LAMA4: variants seen among roughly 807,000 people sequenced by gnomAD.
LAMA4 encodes laminin subunit alpha 4.
Under a neutral mutation model 207.1 loss-of-function variants are expected in LAMA4, and 127 were observed. The ratio of observed to expected loss-of-function variants is 0.61; its 90% confidence interval spans 0.53 to 0.71. The LOEUF is 0.71. LAMA4 is among the 30% of genes least tolerant of loss of function. The probability of loss-of-function intolerance (pLI) is 0.00; values close to 1 mark genes in which losing one functional copy is unlikely to be tolerated. For synonymous variants in LAMA4, 761 were observed against 816.0 expected (o/e 0.93, Z 1.15); for missense variants, 2,093 against 2,246.5 (o/e 0.93, Z 1.38).
rs113832762 is a variant in LAMA4, at chr6:112,123,361, C to T, written c.4288-1160G>A. ...GGTTGAGGATTACTGAATGAGCATA[C>T]ACCTTTAGTCCCTGCCTCCCTATTC... On this transcript the variant is annotated intron_variant, in intron 31 of 38. Transcript: ENST00000230538. 9.1e-3 allele frequency among the ~76,000 whole-genome samples: 1,384 copies of T among 152,282 alleles called. 22 individuals are homozygous for T. Among genetic ancestry groups the T allele is most frequent in the African/African-American group, 0.032 (1,330 of 41,566 alleles).
At chr6:112,134,937 C>CCT (rs1779250872) in intron 25 of LAMA4, among the ~76,000 whole-genome samples, 1 of 150,628 alleles carries the variant, frequency 6.6e-6, no homozygotes, top group African/African-American at 2.4e-5. Flanking sequence ...CCACCATTCT[C>CCT]TTTTTTTTTA....
intron 31 of LAMA4, 78 bp from the exon 32 acceptor site, chr6:112,122,279 A>G (rs1554326401): frequency 4.9e-6 from 5 of 1,029,844 alleles, no homozygotes; most frequent in Admixed American, 3.7e-5. Context: ...CTCATCATTA[A>G]TAAGGATAAA....
rs1554346962 is a variant in LAMA4, at chr6:112,187,267, T to C, written c.966+183A>G. The C allele has an allele frequency of 1.1e-5, 8 of 758,390 alleles. No individual in the cohort carries two copies. The South Asian group carries it at 1.2e-4, about 11-fold the overall frequency. The allele number at this position is 758,390 out of a possible 1,614,324, so 47.0% of individuals were successfully genotyped here. On this transcript the variant is annotated intron_variant, in intron 8 of 38. Coordinates refer to ENST00000230538, the MANE Select transcript of LAMA4 (RefSeq NM_001105206.3). ...TTCTTGTTTTGGCCCAAGCTCATAG[T>C]TACAATCAACTTTTCATAATTTCCT...
intron 2 of LAMA4, among the ~76,000 whole-genome samples, chr6:112,248,342 A>T (rs1430006319): frequency 6.6e-6 from 1 of 152,048 alleles, no homozygotes; most frequent in Non-Finnish European, 1.5e-5. Context: ...TACTAAAAAT[A>T]CAAAAAATTA....
intron 24 of LAMA4, among the ~76,000 whole-genome samples, chr6:112,137,794 A>G (rs1421006553): frequency 6.6e-6 from 1 of 152,208 alleles, no homozygotes; most frequent in Admixed American, 6.5e-5. Flanking sequence ...AGAGGGTTAC[A>G]CATTTTTCTT....
chr6:112,220,919 A>G (rs1051490470), intron 2 of LAMA4, among the ~76,000 whole-genome samples: 1 of 152,170 alleles, frequency 6.6e-6, no homozygotes, highest in Non-Finnish European at 1.5e-5. Flanking sequence ...TTTCCCAAAC[A>G]CTATCACAGA....
intron 26 of LAMA4, among the ~76,000 whole-genome samples, chr6:112,133,886 G>C (rs1779186151): frequency 6.6e-6 from 1 of 152,154 alleles, no homozygotes; most frequent in South Asian, 2.1e-4. Flanking sequence ...ACTAAGAAAT[G>C]AAACTAAGAA....
rs782018286 is a variant in LAMA4 at position 112,129,071 on chromosome 6, C to T, written c.4138G>A (p.Asp1380Asn). Residue 1380 changes from aspartate to asparagine, a missense_variant, in exon 31 of 39, where the codon GAT (aspartate) becomes AAT (asparagine). By Grantham distance (23) the Asp-to-Asn change is conservative. Around this residue, in one of 3 missense-constraint regions of LAMA4, gnomAD observed 1,704 missense variants for 1,788.4 expected, o/e 0.95. Transcript: ENST00000230538. Reference sequence around the variant, plus strand: ...AAATCTTCAACCTCCACATCTCTATCCACCCTGTGTTTGTAACAGAGGAAA... The same window carrying T: ...AAATCTTCAACCTCCACATCTCTATTCACCCTGTGTTTGTAACAGAGGAAA... ...CISNAYFTRVDRDVEVEDFQR... is the reference protein window; with the variant it reads ...CISNAYFTRVNRDVEVEDFQR... The T allele has an allele frequency of 1.2e-6, 2 of 1,610,714 alleles. No individual in the cohort carries two copies. The highest frequency in any genetic ancestry group is 1.7e-5 in the Admixed American group (1 of 59,972).
At chr6:112,201,323 T>C (rs1157330569) in intron 5 of LAMA4, among the ~76,000 whole-genome samples, 2 of 152,250 alleles carry the variant, frequency 1.3e-5, no homozygotes, top group Non-Finnish European at 2.9e-5. Context: ...CAAAACCATC[T>C]AGAGAATCTT....
chr6:112,119,420 T>C, intron 33 of LAMA4, 109 bp from the exon 34 acceptor site: 1 of 1,200,254 alleles, frequency 8.3e-7, no homozygotes, highest in African/African-American at 1.5e-5. Flanking sequence ...TGGGAAATCT[T>C]CAGAAAGTTT....
At chr6:112,165,104 G>C in intron 13 of LAMA4, 56 bp downstream of exon 13, 1 of 896,854 alleles carries the variant, frequency 1.1e-6, no homozygotes, top group East Asian at 2.4e-5. Flanking sequence ...GTGACACTGA[G>C]CTGCTGTTGT....
intron 26 of LAMA4, among the ~76,000 whole-genome samples, chr6:112,133,740 T>C (rs1779179172): frequency 6.6e-6 from 1 of 152,230 alleles, no homozygotes. Context: ...TTTATCTTTA[T>C]AACAATTCAG....
intron 6 of LAMA4, 31 bp from the exon 7 acceptor site, chr6:112,189,236 T>G: frequency 1.3e-6 from 2 of 1,493,988 alleles, no homozygotes; most frequent in Non-Finnish European, 1.9e-6. Context: ...AGACGAGAAA[T>G]GCACTTCTTA....
Position 112,133,376 on chromosome 6 carries a change from A to G in LAMA4, c.3669T>C (p.Val1223=), listed in dbSNP as rs1554330532. The G allele has an allele frequency of 6.2e-7, 1 of 1,613,772 alleles. No homozygotes were observed. ...GTGAGTCTTCTGGGCATCCATAACC[A>G]ACTCCCAGGGTTTCTGTCTGCTCCA... ...NLLEQTETLG[V]GYGCPEDSLI... Residue 1223 remains valine, a synonymous_variant, in exon 27 of 39, where the codon GTT becomes GTC. Coordinates refer to ENST00000230538, the MANE Select transcript of LAMA4 (RefSeq NM_001105206.3).
intron 33 of LAMA4, 98 bp from the exon 34 acceptor site, chr6:112,119,409 G>T: frequency 7.7e-7 from 1 of 1,295,542 alleles, no homozygotes; most frequent in Non-Finnish European, 1.1e-6. Context: ...TTGCAATGCT[G>T]TGGGAAATCT....
chr6:112,178,456 G>T, intron 9 of LAMA4: 1 of 501,896 alleles, frequency 2.0e-6, no homozygotes, highest in East Asian at 3.8e-5. Flanking sequence ...AGTTATTGGG[G>T]TATAGGTGGT....
At chr6:112,164,283 G>T (rs1330683530) in intron 13 of LAMA4, 1 of 152,528 alleles carries the variant, frequency 6.6e-6, no homozygotes, top group Non-Finnish European at 1.5e-5. Context: ...AAAAAAGGCA[G>T]GGAGGTCTCC....
chr6:112,223,256 A>G (rs1554361174), intron 2 of LAMA4, among the ~76,000 whole-genome samples: 2 of 152,182 alleles, frequency 1.3e-5, no homozygotes. Context: ...CACATTTCCA[A>G]GAAAGGAAGA....
At chr6:112,236,536 T>C (rs1193065713) in intron 2 of LAMA4, 1 of 152,156 alleles carries the variant, frequency 6.6e-6, no homozygotes, top group Non-Finnish European at 1.5e-5. Flanking sequence ...AATTTAACAG[T>C]TGTTCAATAT....
Sources: allele counts gnomAD v4.1 joint callset (sites outside exome capture counted in the v4.1 genomes callset), GRCh38; gene constraint gnomAD v4.1.1; regional missense constraint gnomAD v4.1.1; transcripts MANE v1.5; gene names NCBI Gene and HGNC (gene_info 2026-07-23, HGNC 2026-07-21).